ABCC4: variants seen among roughly 807,000 people sequenced by gnomAD.
ABCC4 encodes the protein ATP binding cassette subfamily C member 4 (PEL blood group), also known as ATP-binding cassette sub-family C member 4.
A neutral mutation model predicts 168.5 loss-of-function variants in ABCC4; 102 were observed. The ratio of observed to expected loss-of-function variants is 0.61; its 90% confidence interval spans 0.52 to 0.71. The LOEUF (loss-of-function observed/expected upper bound fraction) is 0.71, where lower values mean the gene tolerates loss of function less well. Ranked by LOEUF, ABCC4 falls within the 30% of genes least tolerant of loss-of-function variation. The pLI, the probability that ABCC4 is intolerant of heterozygous loss-of-function variation, is 0.00. For missense variants in ABCC4, 1,402 were observed against 1,605.8 expected (o/e 0.87, Z 2.17); for synonymous variants, 617 against 590.7 (o/e 1.04, Z -0.65).
rs141303144 is a variant in ABCC4, at chr13:95,063,499, T to C, written c.3211-640A>G. ...TGTTTCAAAATTCTGAAGTGAAGAT[T>C]GCAATGTCTTAAAAGACAGTAGTAA... On this transcript the variant is annotated intron_variant, in intron 25 of 30. Coordinates refer to ENST00000645237, the MANE Select transcript of ABCC4 (RefSeq NM_005845.5). Among the ~76,000 whole-genome samples the C allele has an allele frequency of 6.6e-5, 10 of 152,314 alleles. No individual in the cohort carries two copies. In the East Asian group the frequency reaches 1.9e-3, roughly 29 times the overall value.
Position 95,073,082 on chromosome 13 carries a change from T to TA in ABCC4, c.3018+121dup, listed in dbSNP as rs148288608. On this transcript the variant is annotated intron_variant, in intron 24 of 30. Coordinates refer to ENST00000645237, the MANE Select transcript of ABCC4 (RefSeq NM_005845.5). The stretch of plus-strand genomic sequence containing the variant: ...CTTTAAACAGATGGAGGAAGGATCT[T>TA]AAAAAAAATCTGTTACCAAAGATGT... The TA allele has an allele frequency of 7.7e-3, 5,485 of 709,164 alleles. 185 individuals are homozygous for TA. In the African/African-American group the frequency reaches 0.084, roughly 11 times the overall value. 43.9% of individuals were successfully genotyped at this position (709,164 alleles called of 1,614,324 possible).
intron 21 of ABCC4, 58 bp downstream of exon 21, chr13:95,083,082 T>C: frequency 1.3e-6 from 2 of 1,562,822 alleles, no homozygotes; most frequent in Non-Finnish European, 1.7e-6. Context: ...CTCTGTAATT[T>C]ATGGCATAAA....
chr13:95,210,601 T>G, intron 5 of ABCC4, 91 bp downstream of exon 5: 1 of 1,046,826 alleles, frequency 9.6e-7, no homozygotes, highest in South Asian at 1.4e-5. Flanking sequence ...CAATCCAGTG[T>G]GAACAGAGTG....
chr13:95,219,749 G>T (rs1242732391), intron 4 of ABCC4, among the ~76,000 whole-genome samples: 1 of 152,112 alleles, frequency 6.6e-6, no homozygotes, highest in African/African-American at 2.4e-5. Flanking sequence ...GAACTCCTAG[G>T]CTCAAGCAAT....
chr13:95,248,594 A>T (rs968059909), intron 1 of ABCC4, among the ~76,000 whole-genome samples: 1 of 152,118 alleles, frequency 6.6e-6, no homozygotes, highest in African/African-American at 2.4e-5. Context: ...AATAATTAAC[A>T]TCATTAATCA....
intron 1 of ABCC4, among the ~76,000 whole-genome samples, chr13:95,268,955 C>T (rs1356430350): frequency 6.6e-6 from 1 of 152,154 alleles, no homozygotes; most frequent in African/African-American, 2.4e-5. Context: ...TCTCTCGTCC[C>T]ACCCGATGAG....
intron 8 of ABCC4, among the ~76,000 whole-genome samples, chr13:95,199,136 T>C (rs1389246475): frequency 6.6e-6 from 1 of 152,168 alleles, no homozygotes; most frequent in Non-Finnish European, 1.5e-5. Context: ...AAAATTAAAA[T>C]AGAAATATAA....
At chr13:95,208,871 T>C (rs1322501246) in intron 6 of ABCC4, among the ~76,000 whole-genome samples, 2 of 152,048 alleles carry the variant, frequency 1.3e-5, no homozygotes, top group African/African-American at 2.4e-5. Flanking sequence ...CCACCTGCCT[T>C]GGCCTCCCAA....
chr13:95,034,186 C>T (rs751341598), intron 30 of ABCC4, among the ~76,000 whole-genome samples: 2 of 151,986 alleles, frequency 1.3e-5, no homozygotes, highest in Admixed American at 6.6e-5. Context: ...CACTTTTTGC[C>T]CAAACTCTTA....
chr13:95,206,796 A>C lies in ABCC4; in HGVS notation c.912-15T>G, dbSNP rs777533660. On this transcript the variant is annotated splice_polypyrimidine_tract_variant and intron_variant, in intron 7 of 30. Transcript: ENST00000645237. ...AAATCTCCTTCCTGAAAGAGAGTACAGGTTTTTAAAAAAGCAGTGATGTCA... is the reference window on the plus strand; with the variant it reads ...AAATCTCCTTCCTGAAAGAGAGTACCGGTTTTTAAAAAAGCAGTGATGTCA... 1 of 1,612,364 alleles carries C rather than the reference A, an allele frequency of 6.2e-7. No homozygotes were observed. The highest frequency in any genetic ancestry group is 2.2e-5 in the East Asian group (1 of 44,822).
At chr13:95,117,909 T>A (rs2035435127) in intron 19 of ABCC4, among the ~76,000 whole-genome samples, 1 of 151,696 alleles carries the variant, frequency 6.6e-6, no homozygotes, top group African/African-American at 2.4e-5. Flanking sequence ...CGAGACCTCA[T>A]CTCTACAAAA....
At chr13:95,066,927 G>A (rs935440964) in intron 25 of ABCC4, among the ~76,000 whole-genome samples, 2 of 152,210 alleles carry the variant, frequency 1.3e-5, no homozygotes, top group African/African-American at 4.8e-5. Context: ...AGTATAAGAA[G>A]GTGGCTAGGA....
At chr13:95,128,202 A>G (rs971160376) in intron 19 of ABCC4, among the ~76,000 whole-genome samples, 2 of 152,208 alleles carry the variant, frequency 1.3e-5, no homozygotes, top group African/African-American at 2.4e-5. Flanking sequence ...TTAAATAACA[A>G]TTCGATGCCA....
At chr13:95,155,533 T>G (rs2036826277) in intron 19 of ABCC4, among the ~76,000 whole-genome samples, 1 of 152,170 alleles carries the variant, frequency 6.6e-6, no homozygotes, top group African/African-American at 2.4e-5. Flanking sequence ...TTTTATCTAG[T>G]GTTTTAGCTC....
chr13:95,291,913 G>A (rs564321978), intron 1 of ABCC4, among the ~76,000 whole-genome samples: 4 of 151,956 alleles, frequency 2.6e-5, no homozygotes, highest in Admixed American at 6.6e-5. Context: ...ACCACTGCAC[G>A]CCAGCCTGGG....
chr13:95,117,977 AC>A (rs1200931338), intron 19 of ABCC4, among the ~76,000 whole-genome samples: 1 of 152,164 alleles, frequency 6.6e-6, no homozygotes, highest in Non-Finnish European at 1.5e-5. Flanking sequence ...GTGAAAACCA[AC>A]CCTTTATCTT....
intron 4 of ABCC4, among the ~76,000 whole-genome samples, chr13:95,224,136 T>A: frequency 8.2e-6 from 1 of 122,344 alleles, no homozygotes; most frequent in Non-Finnish European, 1.8e-5. Flanking sequence ...AAATACCAAG[T>A]AAATTATACC....
intron 4 of ABCC4, among the ~76,000 whole-genome samples, chr13:95,224,257 G>A (rs2039393207): frequency 1.3e-5 from 2 of 151,632 alleles, no homozygotes; most frequent in South Asian, 2.1e-4. Context: ...ACAAATGATG[G>A]CTAACAACTT....
At chr13:95,080,501 G>T (rs569447904) in intron 21 of ABCC4, among the ~76,000 whole-genome samples, 1 of 152,254 alleles carries the variant, frequency 6.6e-6, no homozygotes, top group East Asian at 1.9e-4. Flanking sequence ...GGGTTCAAGT[G>T]ATTCTCCTGC....
Sources: allele counts gnomAD v4.1 joint callset (sites outside exome capture counted in the v4.1 genomes callset), GRCh38; gene constraint gnomAD v4.1.1; transcripts MANE v1.5; gene names NCBI Gene and HGNC (gene_info 2026-07-23, HGNC 2026-07-21).